SGCD: variants seen among roughly 807,000 people sequenced by gnomAD.
The protein encoded by SGCD is delta-sarcoglycan.
SGCD carries 18 observed loss-of-function variants against 36.6 expected under a neutral mutation model. That is an observed-to-expected ratio of 0.49 (90% CI 0.34 to 0.73). SGCD has a LOEUF of 0.73. SGCD is among the 30% of genes least tolerant of loss of function. The pLI is 0.01. For missense variants in SGCD, 387 were observed against 346.7 expected, an observed-to-expected ratio of 1.12 and a Z score of -0.92; for synonymous variants, 133 against 130.6, an observed-to-expected ratio of 1.02 and a Z score of -0.12.
chr5:156,402,313 C>G (rs2127763233), intron 3 of SGCD, among the ~76,000 whole-genome samples: 1 of 152,244 alleles, frequency 6.6e-6, no homozygotes, highest in Non-Finnish European at 1.5e-5. Context: ...GAGTATGAGA[C>G]CTTGGTTCTT....
At chr5:155,731,877 A>G in the SGCD span, among the ~76,000 whole-genome samples, 1 of 152,162 alleles carries the variant, frequency 6.6e-6, no homozygotes, top group Non-Finnish European at 1.5e-5. Flanking sequence ...GCTTTGATAC[A>G]CGTGGTGTAG....
At chr5:156,152,383 G>A (rs1417658763) in intron 3 of SGCD, among the ~76,000 whole-genome samples, 4 of 151,538 alleles carry the variant, frequency 2.6e-5, no homozygotes, top group Non-Finnish European at 5.9e-5. Context: ...CTTCACATAA[G>A]TCCTGATTCT....
At chr5:156,104,789 T>C (rs1371716910) in intron 1 of SGCD, among the ~76,000 whole-genome samples, 2 of 152,370 alleles carry the variant, frequency 1.3e-5, no homozygotes, top group Middle Eastern at 3.4e-3. Flanking sequence ...TTTTGCAGCT[T>C]GCCTTGGCAA....
chr5:156,356,671 G>T (rs1228602553), intron 3 of SGCD, among the ~76,000 whole-genome samples: 1 of 152,012 alleles, frequency 6.6e-6, no homozygotes, highest in African/African-American at 2.4e-5. Flanking sequence ...ATTGAATAGT[G>T]CCCCCCTACA....
the SGCD span, among the ~76,000 whole-genome samples, chr5:155,793,953 GAA>G: frequency 0.019 from 1,864 of 100,330 alleles, 48 homozygotes; most frequent in African/African-American, 0.063. Flanking sequence ...AAGCAAAAAT[GAA>G]AAAAAAAAAA....
chr5:156,355,888 C>A (rs778476221), intron 3 of SGCD, among the ~76,000 whole-genome samples: 1 of 152,176 alleles, frequency 6.6e-6, no homozygotes, highest in East Asian at 1.9e-4. Context: ...TTGCCTGCCT[C>A]GGCCTCACAT....
At chr5:156,275,720 A>G (rs1362498489) in intron 3 of SGCD, among the ~76,000 whole-genome samples, 3 of 152,148 alleles carry the variant, frequency 2.0e-5, no homozygotes, top group Admixed American at 2.0e-4. Context: ...TTCAGGAATG[A>G]AAGTAAGTTT....
chr5:156,318,011 G>T (rs1033267929), intron 3 of SGCD, among the ~76,000 whole-genome samples: 2 of 152,136 alleles, frequency 1.3e-5, no homozygotes, highest in African/African-American at 4.8e-5. Context: ...TTATGAGCAA[G>T]TCTCTTTCCT....
chr5:156,477,101 A>G (rs2127833978), intron 3 of SGCD, among the ~76,000 whole-genome samples: 1 of 151,890 alleles, frequency 6.6e-6, no homozygotes. Flanking sequence ...AAATGAACTG[A>G]AAAGCAGTTT....
chr5:156,225,661 C>T (rs1217788954), intron 3 of SGCD, among the ~76,000 whole-genome samples: 2 of 151,914 alleles, frequency 1.3e-5, no homozygotes, highest in East Asian at 1.9e-4. Context: ...TGCAAAAGTA[C>T]GATTTGATTA....
chr5:156,620,998 TGAAAG>T (rs1382044763), intron 6 of SGCD, among the ~76,000 whole-genome samples: 1 of 152,202 alleles, frequency 6.6e-6, no homozygotes, highest in Non-Finnish European at 1.5e-5. Context: ...GGTTTAAAAA[TGAAAG>T]GAAGTAGCAT....
At chr5:156,739,430 A>G (rs565304020) in intron 7 of SGCD, among the ~76,000 whole-genome samples, 107 of 152,312 alleles carry the variant, frequency 7.0e-4, no homozygotes, top group African/African-American at 2.4e-3. Flanking sequence ...TAAAACAAGT[A>G]AAGAGACAAA....
chr5:156,602,877 G>C (rs139141482), intron 6 of SGCD, among the ~76,000 whole-genome samples: 1 of 152,020 alleles, frequency 6.6e-6, no homozygotes, highest in African/African-American at 2.4e-5. Context: ...ATCTATGTTC[G>C]TCAGAGGTAT....
intron 7 of SGCD, among the ~76,000 whole-genome samples, chr5:156,677,258 AC>A (rs1171010360): frequency 1.3e-5 from 2 of 152,216 alleles, no homozygotes; most frequent in Non-Finnish European, 2.9e-5. Flanking sequence ...AAGACTTAGA[AC>A]CAACCCAAAG....
intron 4 of SGCD, among the ~76,000 whole-genome samples, chr5:156,551,646 G>C (rs984026246): frequency 2.0e-5 from 3 of 152,134 alleles, no homozygotes; most frequent in Non-Finnish European, 4.4e-5. Context: ...GAGGGATAAA[G>C]GCAAAGGAAG....
At chr5:156,434,228 A>T (rs1753147089) in intron 3 of SGCD, among the ~76,000 whole-genome samples, 1 of 152,254 alleles carries the variant, frequency 6.6e-6, no homozygotes, top group Non-Finnish European at 1.5e-5. Context: ...TGTGTAAAGT[A>T]GTCTTATTAA....
intron 1 of SGCD, among the ~76,000 whole-genome samples, chr5:155,929,474 T>C (rs1016586035): frequency 6.6e-6 from 1 of 152,354 alleles, no homozygotes; most frequent in East Asian, 1.9e-4. Context: ...TTTTTCCTCC[T>C]CTGCTATTGC....
intron 3 of SGCD, among the ~76,000 whole-genome samples, chr5:156,456,836 G>C (rs906114518): frequency 1.3e-5 from 2 of 152,120 alleles, no homozygotes; most frequent in Non-Finnish European, 2.9e-5. Flanking sequence ...ACACTTGGCA[G>C]GTTTCATTCA....
At chr5:156,427,328 T>G (rs1179365157) in intron 3 of SGCD, among the ~76,000 whole-genome samples, 1 of 152,140 alleles carries the variant, frequency 6.6e-6, no homozygotes, top group East Asian at 1.9e-4. Context: ...ATGTTCTTGA[T>G]TTGATTCTCA....
Sources: gnomAD v4.1 joint callset for allele counts (sites outside exome capture counted in the v4.1 genomes callset) on GRCh38, gnomAD v4.1.1 for gene constraint, MANE v1.5 for transcripts, NCBI Gene and HGNC (gene_info 2026-07-23, HGNC 2026-07-21) for gene names.